The following OPRK1 variants were observed in gnomAD, a reference collection of about 807,000 sequenced individuals.
OPRK1 encodes opioid receptor kappa 1.
In OPRK1, 15 loss-of-function variants were observed where a neutral mutation model predicts 24.5. The ratio of observed to expected loss-of-function variants is 0.61; its 90% confidence interval spans 0.41 to 0.94. The LOEUF (loss-of-function observed/expected upper bound fraction) is 0.94. OPRK1 is among the 40% of genes least tolerant of loss of function. The probability of loss-of-function intolerance (pLI) is 0.00; values close to 1 mark genes in which losing one functional copy is unlikely to be tolerated. For synonymous variants in OPRK1, 205 were observed against 198.0 expected (o/e 1.04, Z -0.30); for missense variants, 479 against 507.3 (o/e 0.94, Z 0.54).
intron 2 of OPRK1, among the ~76,000 whole-genome samples, chr8:53,249,486 C>A (rs1285085303): frequency 6.6e-6 from 1 of 152,044 alleles, no homozygotes; most frequent in Non-Finnish European, 1.5e-5. Flanking sequence ...CTGCGAAATG[C>A]AATAGGCAAT....
chr8:53,229,209 G>A lies in OPRK1; in HGVS notation c.*88C>T. On this transcript the variant is annotated 3_prime_UTR_variant, in exon 4 of 4. Transcript: ENST00000265572. ...TTTATTTTAAATTCTATCTTTTCAT[G>A]TCAGACTGCAGTAGTGATCTGAGTT... is the stretch of plus-strand genomic sequence containing the variant. 1 of 1,412,510 alleles carries A rather than the reference G, an allele frequency of 7.1e-7. No individual in the cohort carries two copies. Among genetic ancestry groups the A allele is most frequent in the Non-Finnish European group, 9.6e-7 (1 of 1,040,698 alleles). 87.5% of individuals were successfully genotyped at this position (1,412,510 alleles called of 1,614,324 possible).
At chr8:53,245,293 TAAG>T (rs1254628493) in intron 2 of OPRK1, among the ~76,000 whole-genome samples, 2 of 152,002 alleles carry the variant, frequency 1.3e-5, no homozygotes, top group African/African-American at 4.8e-5. Flanking sequence ...GGTGTCCTCA[TAAG>T]AAGAAGAGAT....
intron 2 of OPRK1, among the ~76,000 whole-genome samples, chr8:53,249,165 C>T (rs1454294342): frequency 6.7e-6 from 1 of 150,138 alleles, no homozygotes; most frequent in Non-Finnish European, 1.5e-5. Flanking sequence ...TTCAGGGGCT[C>T]ATTCAAATAA....
In OPRK1 at chr8:53,229,789, A is replaced by G; in HGVS notation, c.651T>C (p.Asp217=). ...VIECSLQFPD[D]DYSWWDLFMK... The stretch of plus-strand genomic sequence containing the variant: ...TGAAGAGGTCCCACCAGGAGTAGTC[A>G]TCATCTGGGAACTGCAAGGAGCACT... The change falls in exon 4 of 4, where the codon GAT becomes GAC. Residue 217 remains aspartate (D), a synonymous_variant. Transcript: ENST00000265572. 1 of 1,600,012 alleles carries G rather than the reference A, an allele frequency of 6.2e-7. No homozygotes were observed. The highest frequency in any genetic ancestry group is 1.7e-4 in the Middle Eastern group (1 of 5,958).
At chr8:53,230,368 T>C (rs1311487840) in intron 3 of OPRK1, among the ~76,000 whole-genome samples, 1 of 152,170 alleles carries the variant, frequency 6.6e-6, no homozygotes, top group Non-Finnish European at 1.5e-5. Context: ...ATATGGAATT[T>C]GTTTAAATAT....
rs1453084590 is a variant in OPRK1, at chr8:53,229,248, T to G, written c.*49A>C. ...GTGATCTGAGTTAAACCTAGATCAT[T>G]GAACTCCTCTCTTCCCGAAGAACTG... On this transcript the variant is annotated 3_prime_UTR_variant, in exon 4 of 4. Transcript: ENST00000265572. 1.3e-6 allele frequency: 2 copies of G among 1,565,530 alleles called. No individual in the cohort carries two copies. Among genetic ancestry groups the G allele is most frequent in the Admixed American group, 3.6e-5 (2 of 55,620 alleles).
intron 2 of OPRK1, among the ~76,000 whole-genome samples, chr8:53,239,775 C>G (rs940913353): frequency 6.6e-6 from 1 of 152,178 alleles, no homozygotes; most frequent in Non-Finnish European, 1.5e-5. Flanking sequence ...TTATTCATTA[C>G]CTGCCACAGC....
At position 53,227,833 on chromosome 8, in the gene OPRK1, T is replaced by C. The variant is rs1806742553; in HGVS notation, c.*1464A>G. ...TGATGTCTGTAGTTACATAGGGCTA[T>C]ATATTCAATTTTTCTATTAAATTCC... is the stretch of plus-strand genomic sequence containing the variant. On this transcript the variant is annotated 3_prime_UTR_variant, in exon 4 of 4. Transcript: ENST00000265572. 2 of 151,942 alleles carry C rather than the reference T, an allele frequency of 1.3e-5. No individual in the cohort carries two copies. Among genetic ancestry groups the C allele is most frequent in the African/African-American group, 4.8e-5 (2 of 41,338 alleles). 9.4% of individuals were successfully genotyped at this position (151,942 alleles called of 1,614,324 possible).
At chr8:53,230,803 T>G (rs1175053787) in intron 3 of OPRK1, among the ~76,000 whole-genome samples, 1 of 152,146 alleles carries the variant, frequency 6.6e-6, no homozygotes, top group Non-Finnish European at 1.5e-5. Context: ...TTTGCCCTGG[T>G]CCTTCCTCAC....
intron 2 of OPRK1, among the ~76,000 whole-genome samples, chr8:53,246,609 A>G (rs1161544078): frequency 6.6e-6 from 1 of 152,112 alleles, no homozygotes; most frequent in African/African-American, 2.4e-5. Context: ...AGGAGCAATG[A>G]GCTTCAAAAC....
intron 3 of OPRK1, among the ~76,000 whole-genome samples, chr8:53,230,724 C>T (rs1004531191): frequency 6.6e-6 from 1 of 152,100 alleles, no homozygotes; most frequent in Admixed American, 6.5e-5. Flanking sequence ...CACCTTTCCC[C>T]AAACACCAGC....
intron 3 of OPRK1, among the ~76,000 whole-genome samples, chr8:53,234,079 C>T (rs1238711100): frequency 6.6e-6 from 1 of 150,894 alleles, no homozygotes; most frequent in Non-Finnish European, 1.5e-5. Context: ...GCCAGTAGTC[C>T]CAGCTACTCG....
At chr8:53,236,987 G>A (rs1173203223) in intron 2 of OPRK1, among the ~76,000 whole-genome samples, 1 of 152,158 alleles carries the variant, frequency 6.6e-6, no homozygotes, top group African/African-American at 2.4e-5. Context: ...TATTTTAGAG[G>A]GTCCTTAACC....
chr8:53,243,375 T>C (rs1807158366), intron 2 of OPRK1, among the ~76,000 whole-genome samples: 1 of 152,196 alleles, frequency 6.6e-6, no homozygotes. Flanking sequence ...GCAAATTCCT[T>C]CTGAAACTAA....
At chr8:53,237,523 G>A (rs530394471) in intron 2 of OPRK1, among the ~76,000 whole-genome samples, 3 of 152,276 alleles carry the variant, frequency 2.0e-5, no homozygotes, top group Non-Finnish European at 4.4e-5. Context: ...CCTCTGCCAT[G>A]CATTCCCCAA....
intron 2 of OPRK1, among the ~76,000 whole-genome samples, chr8:53,247,999 A>G (rs1218260121): frequency 2.7e-5 from 4 of 147,456 alleles, no homozygotes; most frequent in Non-Finnish European, 6.0e-5. Context: ...TCAAAAAAAA[A>G]AAAAAAAAAA....
intron 2 of OPRK1, among the ~76,000 whole-genome samples, chr8:53,250,269 A>G (rs1449237293): frequency 6.6e-6 from 1 of 152,224 alleles, no homozygotes; most frequent in East Asian, 1.9e-4. Context: ...GCTAGAGCAT[A>G]TATCAGGTTT....
intron 2 of OPRK1, among the ~76,000 whole-genome samples, chr8:53,249,182 G>A (rs1044747482): frequency 1.1e-4 from 16 of 151,282 alleles, no homozygotes; most frequent in African/African-American, 3.6e-4. Flanking sequence ...ATAACAATAT[G>A]TATCTGTTTT....
chr8:53,231,819 C>T (rs1047769898), intron 3 of OPRK1, among the ~76,000 whole-genome samples: 2 of 152,200 alleles, frequency 1.3e-5, no homozygotes, highest in African/African-American at 4.8e-5. Flanking sequence ...GGAAAAGTCA[C>T]CGGCTAAGCT....
Sources: allele counts gnomAD v4.1 joint callset (sites outside exome capture counted in the v4.1 genomes callset), GRCh38; gene constraint gnomAD v4.1.1; transcripts MANE v1.5; gene names NCBI Gene and HGNC (gene_info 2026-07-23, HGNC 2026-07-21).